The following PTPRD variants were observed in gnomAD, a reference collection of about 807,000 sequenced individuals.
The protein encoded by PTPRD is protein tyrosine phosphatase receptor type D, also known as receptor-type tyrosine-protein phosphatase delta.
In PTPRD, 34 loss-of-function variants were observed where a neutral mutation model predicts 214.5. The ratio of observed to expected loss-of-function variants is 0.16; its 90% CI spans 0.12 to 0.21. The LOEUF is 0.21. Among genes scored for constraint, PTPRD ranks in the 10% least tolerant of loss-of-function variants. The pLI is 1.00. For missense variants in PTPRD, 2,545 were observed against 2,398.7 expected, an observed-to-expected ratio of 1.06 and a Z score of -1.27; for synonymous variants, 1,128 against 845.7, an observed-to-expected ratio of 1.33 and a Z score of -5.79.
Position 8,444,322 on chromosome 9 carries a change from T to C in PTPRD, c.3988+5403A>G, listed in dbSNP as rs377144444. ...CACTCACTTGAAAAAAGTCCATTTT[T>C]ATATAGTTAAATGTCACAACAGCAA... is the stretch of plus-strand genomic sequence containing the variant. On this transcript the variant is annotated intron_variant, in intron 34 of 45. Transcript: ENST00000381196. Among the ~76,000 whole-genome samples the C allele has an allele frequency of 1.5e-4, 23 of 152,282 alleles. No individual in the cohort carries two copies. The South Asian group carries it at 4.1e-3, about 27-fold the overall frequency.
intron 14 of PTPRD, among the ~76,000 whole-genome samples, chr9:8,546,022 C>T (rs1026776435): frequency 1.3e-5 from 2 of 152,156 alleles, no homozygotes; most frequent in Non-Finnish European, 2.9e-5. Flanking sequence ...AGAAGATGTA[C>T]CTATTTAGCC....
At chr9:9,418,180 T>TG (rs1249118833) in intron 8 of PTPRD, among the ~76,000 whole-genome samples, 1 of 152,052 alleles carries the variant, frequency 6.6e-6, no homozygotes, top group African/African-American at 2.4e-5. Context: ...ACATTGCCTC[T>TG]GGGTGCCTGG....
In PTPRD at chr9:9,960,964, G is replaced by GA. The variant is rs1038201205; in HGVS notation, c.-471-22355dup. The stretch of plus-strand genomic sequence containing the variant: ...ACAATGAACTCAAACAAATTTACAA[G>GA]AAAAAAACAAACAACCCCATCAACA... On this transcript the variant is annotated intron_variant, in intron 4 of 45. Coordinates refer to ENST00000381196, the MANE Select transcript of PTPRD (RefSeq NM_002839.4). Among the ~76,000 whole-genome samples, 15 of 151,794 alleles carry GA rather than the reference G, an allele frequency of 9.9e-5. 1 individual carries two copies. Among genetic ancestry groups the GA allele is most frequent in the Admixed American group, 9.2e-4 (14 of 15,234 alleles).
chr9:8,504,530 A>G (rs1334329236), intron 22 of PTPRD, 125 bp from the exon 23 acceptor site: 1 of 1,106,394 alleles, frequency 9.0e-7, no homozygotes, highest in African/African-American at 1.6e-5. Context: ...TCACCAAAAG[A>G]GTCAATAGTG....
intron 3 of PTPRD, among the ~76,000 whole-genome samples, chr9:10,167,722 C>T (rs987954793): frequency 2.0e-5 from 3 of 152,010 alleles, no homozygotes; most frequent in African/African-American, 7.2e-5. Context: ...TAGATAAAGC[C>T]CAAATTCACC....
intron 29 of PTPRD, 53 bp from the exon 30 acceptor site, chr9:8,484,431 A>G (rs1591686928): frequency 1.2e-5 from 19 of 1,548,206 alleles, no homozygotes; most frequent in Non-Finnish European, 1.6e-5. Flanking sequence ...GAGGCAAAAT[A>G]TATTTTCTAA....
At chr9:9,383,357 G>C (rs1014629439) in intron 9 of PTPRD, among the ~76,000 whole-genome samples, 2 of 152,010 alleles carry the variant, frequency 1.3e-5, no homozygotes, top group African/African-American at 4.8e-5. Context: ...TAAGTAAACA[G>C]ATGGCAGAAA....
chr9:9,316,742 T>C (rs1031939138), intron 9 of PTPRD, among the ~76,000 whole-genome samples: 2 of 152,170 alleles, frequency 1.3e-5, no homozygotes, highest in Non-Finnish European at 2.9e-5. Flanking sequence ...TAACGATACA[T>C]GAAATATTAA....
chr9:9,248,639 C>CTGTA (rs1451284825), intron 9 of PTPRD, among the ~76,000 whole-genome samples: 2 of 151,952 alleles, frequency 1.3e-5, no homozygotes, highest in African/African-American at 2.4e-5. Context: ...GAATCTGAGG[C>CTGTA]TGTATAAAAT....
At chr9:9,170,966 T>G (rs2099913351) in intron 10 of PTPRD, among the ~76,000 whole-genome samples, 1 of 152,136 alleles carries the variant, frequency 6.6e-6, no homozygotes, top group South Asian at 2.1e-4. Context: ...AAGTGAAACT[T>G]GATGTGGGTT....
At chr9:9,282,982 G>A (rs4492438) in intron 9 of PTPRD, among the ~76,000 whole-genome samples, 45,426 of 151,114 alleles carry the variant, frequency 0.3, 6,960 homozygotes, top group East Asian at 0.36. Context: ...TTCCACAGGG[G>A]ACAATATCCA....
intron 7 of PTPRD, among the ~76,000 whole-genome samples, chr9:9,720,073 G>A (rs755886676): frequency 1.3e-5 from 2 of 152,164 alleles, no homozygotes; most frequent in African/African-American, 4.8e-5. Context: ...GGCTGAGTGG[G>A]TGAAACTAGC....
At chr9:8,637,918 G>C (rs1315191359) in intron 12 of PTPRD, among the ~76,000 whole-genome samples, 1 of 152,064 alleles carries the variant, frequency 6.6e-6, no homozygotes, top group Non-Finnish European at 1.5e-5. Context: ...GGGGATAGCA[G>C]ATAATGAAAA....
chr9:9,917,452 T>A (rs1276602355), intron 5 of PTPRD, among the ~76,000 whole-genome samples: 14 of 127,596 alleles, frequency 1.1e-4, no homozygotes, highest in Non-Finnish European at 1.8e-4. Flanking sequence ...GAAAATTTCC[T>A]AAAAAAAAAA....
chr9:9,220,224 T>C (rs2099954935), intron 9 of PTPRD, among the ~76,000 whole-genome samples: 1 of 151,958 alleles, frequency 6.6e-6, no homozygotes, highest in African/African-American at 2.4e-5. Context: ...TTCAAATAAT[T>C]ATTGTACATG....
intron 9 of PTPRD, among the ~76,000 whole-genome samples, chr9:9,237,588 G>T (rs1235719150): frequency 6.6e-6 from 1 of 152,070 alleles, no homozygotes; most frequent in Non-Finnish European, 1.5e-5. Context: ...CCAAAGCCAG[G>T]AATATTTGCT....
intron 7 of PTPRD, among the ~76,000 whole-genome samples, chr9:9,645,221 G>A (rs76489971): frequency 0.026 from 3,959 of 152,266 alleles, 175 homozygotes; most frequent in African/African-American, 0.091. Context: ...GGTCAAGGGA[G>A]CCTTGTGGGC....
chr9:8,482,684 G>A (rs566212674), intron 30 of PTPRD, among the ~76,000 whole-genome samples: 3 of 152,136 alleles, frequency 2.0e-5, no homozygotes, highest in East Asian at 1.9e-4. Context: ...GCTGTAATGG[G>A]TTGCCATTGT....
At chr9:9,791,159 T>C (rs1418730315) in intron 5 of PTPRD, among the ~76,000 whole-genome samples, 3 of 152,150 alleles carry the variant, frequency 2.0e-5, no homozygotes, top group Non-Finnish European at 4.4e-5. Flanking sequence ...ATGCTGCATA[T>C]AGCCATCATT....
Sources: allele counts gnomAD v4.1 joint callset (sites outside exome capture counted in the v4.1 genomes callset), GRCh38; gene constraint gnomAD v4.1.1; transcripts MANE v1.5; gene names NCBI Gene and HGNC (gene_info 2026-07-23, HGNC 2026-07-21).